The following ANO4 variants were observed in gnomAD, a reference collection of about 807,000 sequenced individuals.
The protein encoded by ANO4 is anoctamin-4.
A neutral mutation model predicts 141.9 loss-of-function variants in ANO4; 69 were observed. The observed-to-expected ratio is 0.49, with a 90% CI of 0.40 to 0.59. The LOEUF (loss-of-function observed/expected upper bound fraction) is 0.59, where lower values mean the gene tolerates loss of function less well. Ranked by LOEUF, ANO4 falls within the 20% of genes least tolerant of loss-of-function variation. The pLI is 0.00. For synonymous variants in ANO4, 350 were observed against 394.3 expected (o/e 0.89, Z 1.33); for missense variants, 894 against 1,162.2 (o/e 0.77, Z 3.36).
intron 1 of ANO4, among the ~76,000 whole-genome samples, chr12:100,855,781 CAT>C (rs2038133086): frequency 6.6e-6 from 1 of 152,122 alleles, no homozygotes; most frequent in African/African-American, 2.4e-5. Flanking sequence ...CACATACCGA[CAT>C]AAATTTAATA....
In ANO4 at chr12:100,870,932, T is replaced by G. The variant is rs1336029518; in HGVS notation, c.-140-30714T>G. Among the ~76,000 whole-genome samples the G allele has an allele frequency of 2.0e-5, 3 of 152,358 alleles. No individual in the cohort carries two copies. In the East Asian group the frequency reaches 5.8e-4, roughly 29 times the overall value. ...TTATTGAGATGTGTCCTTATTTATC[T>G]GGAGAATAGATATACTTATTCTCTG... On this transcript the variant is annotated intron_variant, in intron 1 of 27. Coordinates refer to ENST00000392977, the MANE Select transcript of ANO4 (RefSeq NM_001286615.2).
At chr12:101,099,031 G>C (rs1302869447) in intron 21 of ANO4, among the ~76,000 whole-genome samples, 2 of 152,114 alleles carry the variant, frequency 1.3e-5, no homozygotes, top group South Asian at 4.2e-4. Context: ...CCTTACCAAT[G>C]CCGGGTGCAT....
chr12:101,021,074 C>T (rs1430371797), intron 9 of ANO4, among the ~76,000 whole-genome samples: 1 of 152,168 alleles, frequency 6.6e-6, no homozygotes, highest in Non-Finnish European at 1.5e-5. Context: ...GCAGCTACCA[C>T]CTCTGAGAAG....
At chr12:101,077,029 C>G (rs1185665923) in intron 14 of ANO4, among the ~76,000 whole-genome samples, 1 of 152,146 alleles carries the variant, frequency 6.6e-6, no homozygotes, top group African/African-American at 2.4e-5. Context: ...TTTCCACCAC[C>G]CTGACTGCTA....
intron 2 of ANO4, among the ~76,000 whole-genome samples, chr12:100,914,108 T>C (rs1157987639): frequency 6.6e-6 from 1 of 152,216 alleles, no homozygotes; most frequent in Admixed American, 6.5e-5. Flanking sequence ...CACAAATCCT[T>C]CTTGCTATTT....
At chr12:101,068,575 C>T (rs975133044) in intron 14 of ANO4, 18 of 1,393,182 alleles carry the variant, frequency 1.3e-5, no homozygotes, top group Admixed American at 1.0e-4. Context: ...TGTTTGGTGG[C>T]TTCTTCAAAA....
chr12:101,058,293 C>T lies in ANO4; in HGVS notation c.1312+9892C>T, dbSNP rs181301092. 5.5e-3 allele frequency among the ~76,000 whole-genome samples: 840 copies of T among 152,172 alleles called. 10 individuals carry two copies. Among genetic ancestry groups the T allele is most frequent in the African/African-American group, 0.019 (799 of 41,508 alleles). On this transcript the variant is annotated intron_variant, in intron 14 of 27. Transcript: ENST00000392977. ...TGTAGTATAGTTTGAAGTCAGGTAG[C>T]GTGATGCCTCCAGCTTTGTTCTTTT...
chr12:100,882,771 T>C (rs530962744), intron 1 of ANO4, among the ~76,000 whole-genome samples: 150 of 152,250 alleles, frequency 9.9e-4, no homozygotes, highest in African/African-American at 3.2e-3. Flanking sequence ...TGATCTTGGC[T>C]CTCTGCAACC....
chr12:100,854,411 A>C (rs1351126518), intron 1 of ANO4, among the ~76,000 whole-genome samples: 1 of 151,994 alleles, frequency 6.6e-6, no homozygotes, highest in Non-Finnish European at 1.5e-5. Context: ...TTTTCCTTCT[A>C]TTATGGAAAG....
chr12:100,781,477 C>G (rs1189177686), intron 3 of ANO4, among the ~76,000 whole-genome samples: 1 of 152,096 alleles, frequency 6.6e-6, no homozygotes, highest in Non-Finnish European at 1.5e-5. Context: ...ATAGAATGGT[C>G]TTATAGTCCC....
intron 1 of ANO4, among the ~76,000 whole-genome samples, chr12:100,721,217 A>G (rs1449580625): frequency 6.6e-6 from 1 of 152,218 alleles, no homozygotes; most frequent in African/African-American, 2.4e-5. Context: ...TCTATAGAGT[A>G]TCTCCAACTA....
chr12:100,990,123 A>G (rs2045020937), intron 8 of ANO4, among the ~76,000 whole-genome samples: 1 of 152,094 alleles, frequency 6.6e-6, no homozygotes, highest in Non-Finnish European at 1.5e-5. Flanking sequence ...ACACTCTGGG[A>G]TTTTATTTCA....
chr12:101,096,367 T>A (rs1158632296), intron 18 of ANO4, among the ~76,000 whole-genome samples, 169 bp from the exon 19 acceptor site: 4 of 152,196 alleles, frequency 2.6e-5, no homozygotes, highest in Middle Eastern at 3.4e-3. Context: ...AGCTTGAGGA[T>A]CCTATGAGTG....
chr12:100,853,628 AT>A (rs5800431), intron 1 of ANO4, among the ~76,000 whole-genome samples: 121,028 of 151,916 alleles, frequency 0.8, 48,355 homozygotes, highest in Admixed American at 0.86. Context: ...GTTCTTCCCC[AT>A]TTTTTTCCTG....
chr12:100,849,013 C>T (rs990651593), intron 1 of ANO4, among the ~76,000 whole-genome samples: 4 of 152,172 alleles, frequency 2.6e-5, no homozygotes, highest in Non-Finnish European at 5.9e-5. Flanking sequence ...TTAAATAAGA[C>T]CTGCATCTTT....
rs1592980104 is a variant in ANO4, at chr12:101,001,768, C to A, written c.734+14098C>A. ...AGCTGGGGGAGGGTCATTTCTGGGC[C>A]TGCTTCTGACTCACATCCAGGAGTG... On this transcript the variant is annotated intron_variant, in intron 8 of 27. Coordinates refer to ENST00000392977, the MANE Select transcript of ANO4 (RefSeq NM_001286615.2). 2.0e-5 allele frequency among the ~76,000 whole-genome samples: 3 copies of A among 152,264 alleles called. No individual in the cohort carries two copies. In the South Asian group the frequency reaches 6.2e-4, roughly 32 times the overall value.
rs767768777 is a variant in ANO4, at chr12:101,128,546, TTAAA to T, written c.*693_*696del. The T allele has an allele frequency of 1.3e-5, 2 of 152,648 alleles. No individual in the cohort carries two copies. The highest frequency in any genetic ancestry group is 2.9e-5 in the Non-Finnish European group (2 of 68,040). The allele number at this position is 152,648 out of a possible 1,614,324, so 9.5% of individuals were successfully genotyped here. ...TACTGACATGAGTGAATTTTCACAT[TTAAA>T]TAGTCATCAATATGAAGCCATGATT... On this transcript the variant is annotated 3_prime_UTR_variant, in exon 28 of 28. Coordinates refer to ENST00000392977, the MANE Select transcript of ANO4 (RefSeq NM_001286615.2).
chr12:100,929,920 CTGA>C (rs1445982609), intron 3 of ANO4, among the ~76,000 whole-genome samples: 1 of 152,058 alleles, frequency 6.6e-6, no homozygotes, highest in Admixed American at 6.6e-5. Flanking sequence ...TTGCATTTCT[CTGA>C]TGATCAGTGG....
intron 1 of ANO4, among the ~76,000 whole-genome samples, chr12:100,808,079 C>A (rs909339413): frequency 1.3e-5 from 2 of 151,946 alleles, no homozygotes; most frequent in Admixed American, 6.6e-5. Context: ...GGGTATATAC[C>A]CAGTAATAGG....
Sources: gnomAD v4.1 joint callset for allele counts (sites outside exome capture counted in the v4.1 genomes callset) on GRCh38, gnomAD v4.1.1 for gene constraint, MANE v1.5 for transcripts, NCBI Gene and HGNC (gene_info 2026-07-23, HGNC 2026-07-21) for gene names.